The following TMEM273 variants were observed in gnomAD, a reference collection of about 807,000 sequenced individuals.
TMEM273 encodes the protein transmembrane protein 273.
TMEM273 carries 19 observed loss-of-function variants against 17.9 expected under a neutral mutation model. The observed-to-expected ratio is 1.06, with a 90% CI of 0.74 to 1.55. The LOEUF (loss-of-function observed/expected upper bound fraction) is 1.55, where lower values mean the gene tolerates loss of function less well. Ranked by LOEUF, TMEM273 falls within the 40% of genes most tolerant of loss-of-function variation. The probability of loss-of-function intolerance (pLI) is 0.00; values close to 1 mark genes in which losing one functional copy is unlikely to be tolerated. For missense variants in TMEM273, 194 were observed against 155.6 expected, an observed-to-expected ratio of 1.25 and a Z score of -1.31; for synonymous variants, 66 against 62.0, an observed-to-expected ratio of 1.07 and a Z score of -0.31.
chr10:49,174,249 C>A (rs916700988), intron 1 of TMEM273, among the ~76,000 whole-genome samples: 2 of 152,208 alleles, frequency 1.3e-5, no homozygotes, highest in African/African-American at 4.8e-5. Context: ...GCGGGCCCTG[C>A]CCCTGCCCCT....
chr10:49,163,125 C>T (rs962657388), intron 5 of TMEM273, among the ~76,000 whole-genome samples: 3 of 151,930 alleles, frequency 2.0e-5, no homozygotes, highest in Non-Finnish European at 2.9e-5. Flanking sequence ...GCAAAGGCCT[C>T]TTAGGGCGGG....
rs1248188666 is a variant in TMEM273, at chr10:49,165,225, T to C, written c.328A>G (p.Ile110Val). The C allele has an allele frequency of 6.4e-7, 1 of 1,550,460 alleles. No homozygotes were observed. The highest frequency in any genetic ancestry group is 8.7e-7 in the Non-Finnish European group (1 of 1,146,982). ...TGTACCTTAAATAGGCCCTCCATGA[T>C]GCAGTGGTGACACTGAAGCAGGGAT... ...FKSLLQCHHC[I>V]MEGLFKAKPQ... is the part of the protein sequence containing the mutation. Residue 110 changes from isoleucine (I) to valine (V), a missense_variant, in exon 5 of 7, where the codon ATC (isoleucine) becomes GTC (valine). Physicochemically the swap from Ile to Val is conservative, Grantham distance 29. Coordinates refer to ENST00000374153, the MANE Select transcript of TMEM273 (RefSeq NM_001288740.3).
chr10:49,180,222 G>A (rs1847259284), intron 1 of TMEM273, among the ~76,000 whole-genome samples: 1 of 152,082 alleles, frequency 6.6e-6, no homozygotes, highest in African/African-American at 2.4e-5. Flanking sequence ...CACAGTGTCA[G>A]CAAGGGACAC....
At chr10:49,176,824 C>T (rs185115773) in intron 1 of TMEM273, among the ~76,000 whole-genome samples, 6 of 152,332 alleles carry the variant, frequency 3.9e-5, no homozygotes, top group Non-Finnish European at 7.3e-5. Flanking sequence ...GTAAACCCTG[C>T]GAGGCACCAG....
chr10:49,178,903 G>A (rs1449506285), intron 1 of TMEM273, among the ~76,000 whole-genome samples: 3 of 152,210 alleles, frequency 2.0e-5, no homozygotes, highest in Non-Finnish European at 4.4e-5. Context: ...AGCTCTGGGT[G>A]TCTGTGTGTC....
chr10:49,155,486 G>A lies in TMEM273; in HGVS notation c.*406C>T, dbSNP rs757525330. On this transcript the variant is annotated 3_prime_UTR_variant, in exon 7 of 7. Transcript: ENST00000374153. ...TCGTTCTACAAAGTAGTGCCTAACT[G>A]TTGATAAGATGGCAGTGTGTAGGAA... 4.2e-6 allele frequency: 1 copy of A among 237,696 alleles called. No individual in the cohort carries two copies. Among genetic ancestry groups the A allele is most frequent in the African/African-American group, 2.4e-5 (1 of 41,904 alleles). The allele number at this position is 237,696 out of a possible 1,614,324, so 14.7% of individuals were successfully genotyped here.
At chr10:49,178,545 G>A in intron 1 of TMEM273, 2 of 310,248 alleles carry the variant, frequency 6.4e-6, no homozygotes, top group African/African-American at 4.3e-5. Flanking sequence ...AGACCAGGGA[G>A]CAGGAACAAC....
chr10:49,158,895 G>C (rs1360446358), intron 6 of TMEM273, among the ~76,000 whole-genome samples: 3 of 152,148 alleles, frequency 2.0e-5, no homozygotes, highest in Non-Finnish European at 4.4e-5. Context: ...GCTGGGAAAA[G>C]TATATATGCA....
rs1286311782 is a variant in TMEM273, at chr10:49,165,189, C to T, written c.348+16G>A. ...AAGAGAAGAGAATGGTGGCTGGAGT[C>T]GAGAGGGGATTGTACCTTAAATAGG... On this transcript the variant is annotated intron_variant, in intron 5 of 6. Transcript: ENST00000374153. 2.2e-5 allele frequency: 34 copies of T among 1,539,592 alleles called. No homozygotes were observed. Among genetic ancestry groups the T allele is most frequent in the Non-Finnish European group, 2.7e-5 (31 of 1,143,024 alleles).
chr10:49,168,287 T>A (rs1227598361), intron 1 of TMEM273, among the ~76,000 whole-genome samples: 1 of 152,140 alleles, frequency 6.6e-6, no homozygotes, highest in African/African-American at 2.4e-5. Context: ...TTGGTGCTTC[T>A]AGTTCCCCAC....
chr10:49,165,372 G>A, intron 4 of TMEM273, 89 bp from the exon 5 acceptor site: 2 of 1,542,970 alleles, frequency 1.3e-6, no homozygotes, highest in South Asian at 1.2e-5. Flanking sequence ...CTGTGCAGAA[G>A]AGCAGGGTAC....
chr10:49,174,279 G>T (rs949359575), intron 1 of TMEM273, among the ~76,000 whole-genome samples: 2 of 152,206 alleles, frequency 1.3e-5, no homozygotes, highest in Non-Finnish European at 2.9e-5. Flanking sequence ...CTCACAAATG[G>T]GTCTGCTTCT....
intron 1 of TMEM273, among the ~76,000 whole-genome samples, chr10:49,179,239 T>C (rs1172755221): frequency 6.6e-6 from 1 of 152,212 alleles, no homozygotes; most frequent in Non-Finnish European, 1.5e-5. Context: ...AAAGAGGAAG[T>C]GGAGATAGTT....
chr10:49,184,565 C>A (rs749032893), intron 1 of TMEM273, among the ~76,000 whole-genome samples: 1 of 152,144 alleles, frequency 6.6e-6, no homozygotes, highest in Non-Finnish European at 1.5e-5. Context: ...TAGGAACACA[C>A]AAACTAAAAT....
intron 4 of TMEM273, 120 bp downstream of exon 4, chr10:49,165,646 A>T: frequency 7.0e-7 from 1 of 1,432,814 alleles, no homozygotes; most frequent in Non-Finnish European, 9.7e-7. Context: ...GGTGCATTCT[A>T]GTCACCTAGA....
chr10:49,185,345 C>T (rs1049935970), intron 1 of TMEM273, among the ~76,000 whole-genome samples: 9 of 152,140 alleles, frequency 5.9e-5, no homozygotes, highest in African/African-American at 1.7e-4. Flanking sequence ...GTCCCCCGGT[C>T]ATACTTGGGA....
chr10:49,156,933 C>T (rs767699116), intron 6 of TMEM273, among the ~76,000 whole-genome samples: 8 of 152,174 alleles, frequency 5.3e-5, no homozygotes, highest in Admixed American at 4.6e-4. Flanking sequence ...AAGCAAGGGC[C>T]TCAAATGCCG....
chr10:49,183,910 A>G (rs1319045602), intron 1 of TMEM273, among the ~76,000 whole-genome samples: 1 of 150,490 alleles, frequency 6.6e-6, no homozygotes, highest in Non-Finnish European at 1.5e-5. Flanking sequence ...CAAGCAGTAG[A>G]TATTTCATCT....
At chr10:49,166,847 G>C in intron 3 of TMEM273, 22 bp downstream of exon 3, 2 of 1,612,524 alleles carry the variant, frequency 1.2e-6, no homozygotes, top group Non-Finnish European at 1.7e-6. Context: ...GCAGAGCCAG[G>C]CCCGAGCACC....
Sources: gnomAD v4.1 joint callset for allele counts (sites outside exome capture counted in the v4.1 genomes callset) on GRCh38, gnomAD v4.1.1 for gene constraint, MANE v1.5 for transcripts, NCBI Gene and HGNC (gene_info 2026-07-23, HGNC 2026-07-21) for gene names.